Variants in ANO10 observed in about 807,000 individuals in gnomAD.
ANO10 encodes the protein anoctamin 10, also known as anoctamin-10.
Under a neutral mutation model 74.7 loss-of-function variants are expected in ANO10, and 77 were observed. The ratio of observed to expected loss-of-function variants is 1.03; its 90% CI spans 0.86 to 1.25. The LOEUF (loss-of-function observed/expected upper bound fraction) is 1.25. Ranked by LOEUF, ANO10 falls within the 50% of genes most tolerant of loss-of-function variation. The probability of loss-of-function intolerance (pLI) is 0.00; values close to 1 mark genes in which losing one functional copy is unlikely to be tolerated. For synonymous variants in ANO10, 279 were observed against 284.9 expected, an observed-to-expected ratio of 0.98 and a Z score of 0.21; for missense variants, 721 against 778.1, an observed-to-expected ratio of 0.93 and a Z score of 0.87.
At chr3:43,690,978 T>C in intron 1 of ANO10, 18 of 1,570,708 alleles carry the variant, frequency 1.1e-5, no homozygotes, top group Non-Finnish European at 1.5e-5. Context: ...TCCCGGCGCT[T>C]GCGCGGCGGC....
intron 11 of ANO10, among the ~76,000 whole-genome samples, chr3:43,460,908 T>C (rs1277836923): frequency 4.0e-5 from 6 of 151,180 alleles, no homozygotes; most frequent in East Asian, 1.9e-4. Context: ...GAAATTACCA[T>C]ATGATTGTCA....
chr3:43,678,080 T>C (rs151234418), intron 1 of ANO10, among the ~76,000 whole-genome samples: 1,538 of 152,332 alleles, frequency 0.01, 12 homozygotes, highest in Non-Finnish European at 0.013. Context: ...GTGCATTTAA[T>C]ACACCTAACC....
chr3:43,594,129 C>G (rs886784793), intron 4 of ANO10, among the ~76,000 whole-genome samples: 19 of 152,188 alleles, frequency 1.2e-4, no homozygotes, highest in Non-Finnish European at 2.5e-4. Context: ...TAGAGACCTA[C>G]AAAGAGACTT....
chr3:43,510,542 G>A (rs2077471683), intron 11 of ANO10, among the ~76,000 whole-genome samples: 1 of 151,954 alleles, frequency 6.6e-6, no homozygotes, highest in South Asian at 2.1e-4. Context: ...TACTGGTTGT[G>A]ACACAGCTCT....
intron 11 of ANO10, among the ~76,000 whole-genome samples, chr3:43,526,541 T>TA (rs2078205456): frequency 6.6e-6 from 1 of 152,164 alleles, no homozygotes; most frequent in Non-Finnish European, 1.5e-5. Flanking sequence ...ATGTATAGTA[T>TA]AACATATACA....
chr3:43,468,874 C>A (rs1269051241), intron 11 of ANO10, among the ~76,000 whole-genome samples: 1 of 151,384 alleles, frequency 6.6e-6, no homozygotes, highest in Admixed American at 6.6e-5. Flanking sequence ...CCAAGGCTGG[C>A]TAAGTTTTTG....
chr3:43,682,168 T>C (rs2084210583), intron 1 of ANO10, among the ~76,000 whole-genome samples: 1 of 151,780 alleles, frequency 6.6e-6, no homozygotes, highest in African/African-American at 2.4e-5. Flanking sequence ...ATCAACAAAA[T>C]TGATAGACCG....
At chr3:43,404,651 G>A (rs2092542215) in intron 12 of ANO10, among the ~76,000 whole-genome samples, 1 of 152,128 alleles carries the variant, frequency 6.6e-6, no homozygotes, top group Admixed American at 6.5e-5. Context: ...CAAGGCTGAG[G>A]TGGGAGAATA....
intron 1 of ANO10, among the ~76,000 whole-genome samples, chr3:43,680,726 C>T (rs2084184992): frequency 6.6e-6 from 1 of 152,204 alleles, no homozygotes; most frequent in African/African-American, 2.4e-5. Flanking sequence ...AGATTAACAG[C>T]TGATCTCTTG....
chr3:43,541,226 T>C (rs2078940274), intron 11 of ANO10, among the ~76,000 whole-genome samples: 1 of 152,250 alleles, frequency 6.6e-6, no homozygotes. Flanking sequence ...TAATCAAACC[T>C]TTCAATTAGG....
intron 12 of ANO10, chr3:43,372,817 G>A (rs2091664204): frequency 9.1e-6 from 14 of 1,534,788 alleles, no homozygotes; most frequent in East Asian, 2.4e-5. Flanking sequence ...CATGAATACC[G>A]TGGAAGAGAG....
intron 9 of ANO10, among the ~76,000 whole-genome samples, chr3:43,557,928 G>C (rs546379350): frequency 6.6e-6 from 1 of 151,372 alleles, no homozygotes; most frequent in East Asian, 2.0e-4. Context: ...AACACAGTGA[G>C]AGCCCATCTC....
intron 12 of ANO10, among the ~76,000 whole-genome samples, chr3:43,372,254 C>T (rs1404598981): frequency 6.6e-6 from 1 of 152,146 alleles, no homozygotes; most frequent in Non-Finnish European, 1.5e-5. Flanking sequence ...ATGCCTGCTC[C>T]CCCGGCCCAG....
At chr3:43,628,101 T>C (rs2083509442) in intron 1 of ANO10, among the ~76,000 whole-genome samples, 1 of 152,184 alleles carries the variant, frequency 6.6e-6, no homozygotes, top group Non-Finnish European at 1.5e-5. Context: ...ATAATTATTT[T>C]TCCTCCTTTC....
At position 43,580,409 on chromosome 3, in the gene ANO10, AG is replaced by A; in HGVS notation, c.535del (p.Leu179Ter). 1 of 1,614,100 alleles carries A rather than the reference AG, an allele frequency of 6.2e-7. No homozygotes were observed. The highest frequency in any genetic ancestry group is 8.5e-7 in the Non-Finnish European group (1 of 1,179,994). ...GTACCAGGTGTCCTCAAGCTTCTTC[AG>A]GGCTTCACTGTCATGCAGTGGAAAC... ...QVFPLHDSEA[L>X]KKLEDTWYTR... On this transcript the variant is annotated frameshift_variant, in exon 5 of 13. Coordinates refer to ENST00000292246, the MANE Select transcript of ANO10 (RefSeq NM_018075.5). LOFTEE classifies it high-confidence loss of function.
chr3:43,467,029 A>G (rs1248824800), intron 11 of ANO10, among the ~76,000 whole-genome samples: 1 of 152,240 alleles, frequency 6.6e-6, no homozygotes, highest in African/African-American at 2.4e-5. Context: ...AATGCAAACT[A>G]AAATCACAAT....
At chr3:43,630,042 T>C (rs1041877716) in intron 1 of ANO10, among the ~76,000 whole-genome samples, 10 of 151,960 alleles carry the variant, frequency 6.6e-5, no homozygotes, top group Non-Finnish European at 1.2e-4. Flanking sequence ...GCAAAGGAAC[T>C]TGGGAAAGAC....
At chr3:43,597,388 T>C (rs2082140067) in intron 4 of ANO10, among the ~76,000 whole-genome samples, 1 of 152,220 alleles carries the variant, frequency 6.6e-6, no homozygotes, top group African/African-American at 2.4e-5. Context: ...ATAGACTGGA[T>C]TAAGAAAATG....
At chr3:43,690,444 T>C (rs1430683418) in intron 1 of ANO10, 2 of 152,914 alleles carry the variant, frequency 1.3e-5, no homozygotes, top group South Asian at 2.0e-4. Context: ...CATCAGCACC[T>C]AGAGCAGTGC....
Sources: allele counts gnomAD v4.1 joint callset (sites outside exome capture counted in the v4.1 genomes callset), GRCh38; gene constraint gnomAD v4.1.1; transcripts MANE v1.5; gene names NCBI Gene and HGNC (gene_info 2026-07-23, HGNC 2026-07-21).